The following PLXNA4 variants were observed in gnomAD, a reference collection of about 807,000 sequenced individuals.
The protein encoded by PLXNA4 is plexin-A4.
PLXNA4 carries 44 observed loss-of-function variants against 191.8 expected under a neutral mutation model. The observed-to-expected ratio is 0.23, with a 90% CI of 0.18 to 0.29. The LOEUF (loss-of-function observed/expected upper bound fraction) is 0.29, where lower values mean the gene tolerates loss of function less well. PLXNA4 is among the 10% of genes least tolerant of loss of function. PLXNA4 has a pLI of 1.00. For synonymous variants in PLXNA4, 1,082 were observed against 1,009.5 expected (o/e 1.07, Z -1.36); for missense variants, 1,800 against 2,488.8 (o/e 0.72, Z 5.89).
chr7:132,283,910 C>T (rs1268527269), intron 4 of PLXNA4, among the ~76,000 whole-genome samples: 3 of 152,242 alleles, frequency 2.0e-5, no homozygotes, highest in East Asian at 1.9e-4. Flanking sequence ...TAGAGTGGCT[C>T]ATGCCTGTAA....
chr7:132,608,795 C>T (rs1434169429), intron 2 of PLXNA4, among the ~76,000 whole-genome samples: 1 of 152,192 alleles, frequency 6.6e-6, no homozygotes, highest in Non-Finnish European at 1.5e-5. Context: ...CCCAAAACTG[C>T]AACCCTCAGG....
chr7:132,604,790 A>G lies in PLXNA4; in HGVS notation c.-87+41138T>C, dbSNP rs7811127. On this transcript the variant is annotated intron_variant, in intron 2 of 4. Transcript: ENST00000378539. Reference sequence around the variant, plus strand: ...TCTGTACAGATGCAGGGACCGTGACATACCTCTATTCCCATGTGCAGATGG... The same window carrying G: ...TCTGTACAGATGCAGGGACCGTGACGTACCTCTATTCCCATGTGCAGATGG... 2.6e-5 allele frequency among the ~76,000 whole-genome samples: 4 copies of G among 152,286 alleles called. No individual in the cohort carries two copies. The South Asian group carries it at 8.3e-4, about 32-fold the overall frequency.
At chr7:132,390,067 G>A (rs989811486) in intron 3 of PLXNA4, among the ~76,000 whole-genome samples, 2 of 152,140 alleles carry the variant, frequency 1.3e-5, no homozygotes, top group Admixed American at 6.5e-5. Flanking sequence ...CCATCACTGG[G>A]TATATACCCA....
chr7:132,424,418 G>A (rs1323708114), intron 3 of PLXNA4, among the ~76,000 whole-genome samples: 1 of 152,312 alleles, frequency 6.6e-6, no homozygotes, highest in South Asian at 2.1e-4. Context: ...AGTAGAGGGG[G>A]CACTGCTCCT....
chr7:132,313,094 G>T (rs1410028754), intron 3 of PLXNA4, among the ~76,000 whole-genome samples: 2 of 152,158 alleles, frequency 1.3e-5, no homozygotes, highest in Non-Finnish European at 1.5e-5. Context: ...GCACATGGGG[G>T]TGGTCCTGAG....
chr7:132,643,181 G>A (rs1192837929), intron 2 of PLXNA4, among the ~76,000 whole-genome samples: 1 of 152,142 alleles, frequency 6.6e-6, no homozygotes, highest in African/African-American at 2.4e-5. Context: ...CTTGCATGTG[G>A]ACAGGTAATG....
At chr7:132,607,366 T>A (rs1031644865) in intron 2 of PLXNA4, among the ~76,000 whole-genome samples, 5 of 152,158 alleles carry the variant, frequency 3.3e-5, no homozygotes, top group African/African-American at 7.2e-5. Flanking sequence ...TGGATCTCCT[T>A]TTGCGTCCCT....
In PLXNA4 at chr7:132,576,404, G is replaced by A; in HGVS notation, c.-87+18C>T. The stretch of plus-strand genomic sequence containing the variant: ...CGCCGCCCGCCCGGCCCCACTCCCC[G>A]GCGGGCCGGCTCCTTACCTGGACGC... On this transcript the variant is annotated intron_variant, in intron 1 of 31. Transcript: ENST00000321063. The surrounding 1 kb of genome is among the most constrained non-coding windows in gnomAD (Gnocchi z 5.8). The A allele has an allele frequency of 1.0e-6, 1 of 985,730 alleles. No homozygotes were observed. Among genetic ancestry groups the A allele is most frequent in the Non-Finnish European group, 1.2e-6 (1 of 829,972 alleles). 61.1% of individuals were successfully genotyped at this position (985,730 alleles called of 1,614,324 possible).
At chr7:132,647,221 A>T (rs1469330588) in intron 1 of PLXNA4, among the ~76,000 whole-genome samples, 1 of 151,752 alleles carries the variant, frequency 6.6e-6, no homozygotes, top group Middle Eastern at 3.2e-3. Context: ...ATATACACAC[A>T]TATACACTCA....
At chr7:132,516,788 T>C (rs2116330149) in intron 1 of PLXNA4, among the ~76,000 whole-genome samples, 1 of 152,242 alleles carries the variant, frequency 6.6e-6, no homozygotes, top group African/African-American at 2.4e-5. Flanking sequence ...TGAAACCCTG[T>C]CTCTACTAAA....
chr7:132,134,036 T>C (rs1174169347), intron 30 of PLXNA4, among the ~76,000 whole-genome samples: 2 of 152,258 alleles, frequency 1.3e-5, no homozygotes, highest in Admixed American at 1.3e-4. Flanking sequence ...GCTGCCATGC[T>C]GGAGAAAGTA....
rs117365307 is a variant in PLXNA4 at position 132,288,772 on chromosome 7, G to A, written c.1503+9319C>T. 5.4e-3 allele frequency among the ~76,000 whole-genome samples: 823 copies of A among 152,294 alleles called. 4 individuals are homozygous for A. Among genetic ancestry groups the A allele is most frequent in the Non-Finnish European group, 7.7e-3 (526 of 68,022 alleles). On this transcript the variant is annotated intron_variant, in intron 4 of 31. Transcript: ENST00000321063. Reference sequence around the variant, plus strand: ...GACATGCCCACAGACACAGTGCTGAGGGCAGGACTCATTTTCACAGGAGCC... The same window carrying A: ...GACATGCCCACAGACACAGTGCTGAAGGCAGGACTCATTTTCACAGGAGCC...
At chr7:132,628,351 GCTCT>G (rs373888868) in intron 2 of PLXNA4, among the ~76,000 whole-genome samples, 76 of 147,384 alleles carry the variant, frequency 5.2e-4, no homozygotes, top group Middle Eastern at 3.4e-3. Context: ...TCTCTCTCTC[GCTCT>G]CTCTCTCTCT....
At chr7:132,564,255 TCTCCTC>T (rs1355051530) in intron 1 of PLXNA4, among the ~76,000 whole-genome samples, 1 of 101,796 alleles carries the variant, frequency 9.8e-6, no homozygotes, top group African/African-American at 4.2e-5. Context: ...TCCTTCTGCT[TCTCCTC>T]CTCCTCTCCT....
chr7:132,538,436 T>G (rs2116485442), intron 1 of PLXNA4, among the ~76,000 whole-genome samples: 1 of 152,286 alleles, frequency 6.6e-6, no homozygotes, highest in South Asian at 2.1e-4. Flanking sequence ...CCGTCAGGAA[T>G]TCAGACAGAG....
intron 3 of PLXNA4, among the ~76,000 whole-genome samples, chr7:132,460,119 C>T (rs1329045081): frequency 6.6e-6 from 1 of 152,098 alleles, no homozygotes; most frequent in Non-Finnish European, 1.5e-5. Flanking sequence ...TTTGGGAGGC[C>T]GAGTTGAGGG....
intron 21 of PLXNA4, among the ~76,000 whole-genome samples, chr7:132,169,075 G>T (rs1189858484): frequency 2.6e-5 from 4 of 152,118 alleles, no homozygotes; most frequent in Admixed American, 2.0e-4. Flanking sequence ...GGTTCCACGT[G>T]GATTCTGATA....
At chr7:132,518,813 T>A (rs76135716) in intron 1 of PLXNA4, among the ~76,000 whole-genome samples, 2,274 of 152,160 alleles carry the variant, frequency 0.015, 24 homozygotes, top group Non-Finnish European at 0.022. Context: ...CTCTGAGATG[T>A]TTATACATGG....
At chr7:132,165,696 G>A (rs1041999004) in intron 22 of PLXNA4, among the ~76,000 whole-genome samples, 10 of 143,150 alleles carry the variant, frequency 7.0e-5, no homozygotes, top group East Asian at 4.1e-4. Context: ...GAACTTTATA[G>A]GCTAGTTGTG....
Sources: gnomAD v4.1 joint callset for allele counts (sites outside exome capture counted in the v4.1 genomes callset) on GRCh38, gnomAD v4.1.1 for gene constraint, Gnocchi (gnomAD v3.1) non-coding constraint, MANE v1.5 for transcripts, NCBI Gene and HGNC (gene_info 2026-07-23, HGNC 2026-07-21) for gene names.